The following OXR1 variants were observed in gnomAD, a reference collection of about 807,000 sequenced individuals.
OXR1 encodes oxidation resistance protein 1.
A neutral mutation model predicts 104.6 loss-of-function variants in OXR1; 41 were observed. The observed-to-expected ratio is 0.39, with a 90% CI of 0.31 to 0.51. The LOEUF (loss-of-function observed/expected upper bound fraction) is 0.51. Among genes scored for constraint, OXR1 ranks in the 20% least tolerant of loss-of-function variants. The pLI is 0.77. For synonymous variants in OXR1, 348 were observed against 348.4 expected, an observed-to-expected ratio of 1.00 and a Z score of 0.01; for missense variants, 955 against 1,031.9, an observed-to-expected ratio of 0.93 and a Z score of 1.02.
chr8:106,434,801 T>A (rs11774606), intron 2 of OXR1, among the ~76,000 whole-genome samples: 2,556 of 152,310 alleles, frequency 0.017, 41 homozygotes, highest in Non-Finnish European at 0.025. Context: ...CTGTAATTAG[T>A]GCCTACTAGG....
chr8:106,498,779 G>C (rs578233093), intron 2 of OXR1, among the ~76,000 whole-genome samples: 1 of 152,100 alleles, frequency 6.6e-6, no homozygotes, highest in South Asian at 2.1e-4. Context: ...AGTTAATTTT[G>C]TTCCAAGATA....
At position 106,469,010 on chromosome 8, in the gene OXR1, G is replaced by GTGT. The variant is rs66481208; in HGVS notation, c.24-49908_24-49906dup. On this transcript the variant is annotated intron_variant, in intron 2 of 16. Coordinates refer to ENST00000517566, the MANE Select transcript of OXR1 (RefSeq NM_001198533.2). ...GTTGTTGTGGTCATTGTTTGTTTGTGTGTTGTTGTTGTTGTTGTTGTTGTT... is the reference window on the plus strand; with the variant it reads ...GTTGTTGTGGTCATTGTTTGTTTGTGTGTTGTTGTTGTTGTTGTTGTTGTTGTT... 3.8e-3 allele frequency among the ~76,000 whole-genome samples: 529 copies of GTGT among 139,074 alleles called. 2 individuals are homozygous for GTGT. Among genetic ancestry groups the GTGT allele is most frequent in the African/African-American group, 0.011 (458 of 40,142 alleles). The allele number at this position is 139,074 out of a possible 152,430, so 91.2% of individuals were successfully genotyped here.
At chr8:106,441,001 C>T (rs1046516691) in intron 2 of OXR1, among the ~76,000 whole-genome samples, 1 of 151,848 alleles carries the variant, frequency 6.6e-6, no homozygotes, top group African/African-American at 2.4e-5. Context: ...TTAAAATTTT[C>T]ATTGTTTTTT....
At chr8:106,476,283 G>A in intron 2 of OXR1, among the ~76,000 whole-genome samples, 1 of 151,824 alleles carries the variant, frequency 6.6e-6, no homozygotes, top group South Asian at 2.1e-4. Context: ...GATACCAAAA[G>A]AACTTTTAAA....
At chr8:106,287,863 G>T (rs1812564910) in intron 1 of OXR1, among the ~76,000 whole-genome samples, 2 of 152,264 alleles carry the variant, frequency 1.3e-5, no homozygotes, top group South Asian at 4.2e-4. Context: ...TTTGTTATTA[G>T]TTCCTATTTC....
chr8:106,622,010 T>C (rs961981736), intron 3 of OXR1, among the ~76,000 whole-genome samples: 1 of 152,236 alleles, frequency 6.6e-6, no homozygotes, highest in African/African-American at 2.4e-5. Context: ...TTCATTAACA[T>C]GTTAACACAT....
At chr8:106,707,348 A>G in intron 9 of OXR1, 2 of 654,338 alleles carry the variant, frequency 3.1e-6, no homozygotes, top group Admixed American at 2.8e-5. Context: ...TGTACACATA[A>G]TGAGCATCAT....
intron 16 of OXR1, among the ~76,000 whole-genome samples, chr8:106,747,474 A>G (rs148186565): frequency 1.3e-5 from 2 of 152,318 alleles, no homozygotes; most frequent in East Asian, 1.9e-4. Context: ...TGCATGAGCT[A>G]TAAGACATTA....
At chr8:106,716,723 T>A (rs1053934795) in intron 11 of OXR1, among the ~76,000 whole-genome samples, 2 of 152,106 alleles carry the variant, frequency 1.3e-5, no homozygotes, top group Admixed American at 6.5e-5. Flanking sequence ...TCTTGTTTGT[T>A]TATACTGATT....
chr8:106,432,909 A>C (rs1819418203), intron 2 of OXR1, among the ~76,000 whole-genome samples: 1 of 152,154 alleles, frequency 6.6e-6, no homozygotes, highest in Non-Finnish European at 1.5e-5. Context: ...AAAGTTTATC[A>C]TACTGGATGC....
chr8:106,692,930 A>G, intron 7 of OXR1, 53 bp downstream of exon 7: 1 of 1,283,144 alleles, frequency 7.8e-7, no homozygotes. Flanking sequence ...GTTATTACTA[A>G]TGTATGATAG....
intron 3 of OXR1, among the ~76,000 whole-genome samples, chr8:106,529,538 A>G (rs776285851): frequency 6.6e-6 from 1 of 152,216 alleles, no homozygotes; most frequent in African/African-American, 2.4e-5. Context: ...TGATATTCCT[A>G]TAAATTTGTA....
intron 2 of OXR1, among the ~76,000 whole-genome samples, chr8:106,503,839 G>A (rs1231925842): frequency 1.3e-5 from 2 of 152,302 alleles, no homozygotes; most frequent in East Asian, 3.9e-4. Flanking sequence ...CTACCTGGGG[G>A]AGGGAGGTAA....
At chr8:106,471,394 A>G (rs1563544237) in intron 2 of OXR1, among the ~76,000 whole-genome samples, 1 of 151,726 alleles carries the variant, frequency 6.6e-6, no homozygotes, top group Non-Finnish European at 1.5e-5. Context: ...TGCCTATTCA[A>G]TCCAGCCTAG....
At chr8:106,404,800 G>C (rs1818149488) in intron 2 of OXR1, among the ~76,000 whole-genome samples, 1 of 151,968 alleles carries the variant, frequency 6.6e-6, no homozygotes, top group Non-Finnish European at 1.5e-5. Flanking sequence ...CCACCTCCCA[G>C]GTTCATGCCT....
At chr8:106,341,988 G>A (rs764667023) in intron 1 of OXR1, among the ~76,000 whole-genome samples, 1 of 149,802 alleles carries the variant, frequency 6.7e-6, no homozygotes, top group Non-Finnish European at 1.5e-5. Flanking sequence ...CAATCTTCCT[G>A]CCTCAGCCTC....
chr8:106,648,048 T>C (rs1824231534), intron 3 of OXR1, among the ~76,000 whole-genome samples: 2 of 152,238 alleles, frequency 1.3e-5, no homozygotes. Context: ...TTTCCTAAAA[T>C]TCAATAATTT....
At chr8:106,312,968 A>T (rs960600888) in intron 1 of OXR1, among the ~76,000 whole-genome samples, 1 of 152,156 alleles carries the variant, frequency 6.6e-6, no homozygotes, top group African/African-American at 2.4e-5. Context: ...ACCACATAGT[A>T]TGTATTTTGG....
rs1302610946 is a variant in OXR1, at chr8:106,454,994, G to A, written c.24-63949G>A. 5.3e-5 allele frequency among the ~76,000 whole-genome samples: 8 copies of A among 152,138 alleles called. No homozygotes were observed. The South Asian group carries it at 1.2e-3, about 24-fold the overall frequency. ...TTGAAAGATAAGAACTAACACTATA[G>A]TACTTTTGTCTGTACCCTTGCTGCT... On this transcript the variant is annotated intron_variant, in intron 2 of 16. Transcript: ENST00000517566.
Sources: gnomAD v4.1 joint callset for allele counts (sites outside exome capture counted in the v4.1 genomes callset) on GRCh38, gnomAD v4.1.1 for gene constraint, MANE v1.5 for transcripts, NCBI Gene and HGNC (gene_info 2026-07-23, HGNC 2026-07-21) for gene names.